Variants in CNTN5 observed in about 807,000 individuals in gnomAD.
CNTN5 encodes the protein contactin-5.
Under a neutral mutation model 129.1 loss-of-function variants are expected in CNTN5, and 77 were observed. That is an observed-to-expected ratio of 0.60 (90% CI 0.50 to 0.72). CNTN5 has a LOEUF of 0.72. Among genes scored for constraint, CNTN5 ranks in the 30% least tolerant of loss-of-function variants. CNTN5 has a pLI of 0.00. For missense variants in CNTN5, 1,478 were observed against 1,328.8 expected, an observed-to-expected ratio of 1.11 and a Z score of -1.75; for synonymous variants, 509 against 465.6, an observed-to-expected ratio of 1.09 and a Z score of -1.20.
chr11:99,598,581 T>C (rs1950217708), intron 3 of CNTN5, among the ~76,000 whole-genome samples: 1 of 151,690 alleles, frequency 6.6e-6, no homozygotes, highest in Admixed American at 6.6e-5. Flanking sequence ...GTTTGCCCTT[T>C]GGAAAGGTAC....
Position 99,997,479 on chromosome 11 carries a change from C to T in CNTN5, c.878-4555C>T, listed in dbSNP as rs192844144. Reference sequence around the variant, plus strand: ...GGAAGAAGTTGAATCTCTGAATAGACCAACAACAGGAGCTGCAATTGTGGC... The same window carrying T: ...GGAAGAAGTTGAATCTCTGAATAGATCAACAACAGGAGCTGCAATTGTGGC... On this transcript the variant is annotated intron_variant, in intron 8 of 24. Coordinates refer to ENST00000524871, the MANE Select transcript of CNTN5 (RefSeq NM_014361.4). Among the ~76,000 whole-genome samples the T allele has an allele frequency of 3.7e-4, 56 of 152,274 alleles. No homozygotes were observed. In the East Asian group the frequency reaches 0.01, roughly 28 times the overall value.
chr11:100,303,982 A>G (rs921433373), intron 20 of CNTN5, among the ~76,000 whole-genome samples: 2 of 151,576 alleles, frequency 1.3e-5, no homozygotes, highest in Non-Finnish European at 3.0e-5. Flanking sequence ...GTCTCTTTTG[A>G]TTAATGCTGT....
chr11:99,940,768 TC>T (rs1950417153), intron 7 of CNTN5, among the ~76,000 whole-genome samples: 1 of 151,842 alleles, frequency 6.6e-6, no homozygotes, highest in South Asian at 2.1e-4. Flanking sequence ...ACCACAAAGA[TC>T]TACCACTGGA....
rs559211939 is a variant in CNTN5 at position 99,316,731 on chromosome 11, CA to C, written c.-209-8602del. Among the ~76,000 whole-genome samples, 609 of 127,824 alleles carry C rather than the reference CA, an allele frequency of 4.8e-3. 1 individual carries two copies. The highest frequency in any genetic ancestry group is 5.7e-3 in the Admixed American group (72 of 12,594). 83.9% of individuals were successfully genotyped at this position (127,824 alleles called of 152,430 possible). A position where few individuals can be genotyped will look rare whatever the true frequency, so the allele number is the denominator to read the frequency against. ...TTGAAATTACTCTTTTGAACTGAGT[CA>C]AAAAAAAAAAAAGAAAAAGACCCTT... On this transcript the variant is annotated intron_variant, in intron 1 of 24. Coordinates refer to ENST00000524871, the MANE Select transcript of CNTN5 (RefSeq NM_014361.4).
intron 3 of CNTN5, among the ~76,000 whole-genome samples, chr11:99,562,908 G>A (rs1017975488): frequency 2.6e-5 from 4 of 152,082 alleles, no homozygotes; most frequent in Admixed American, 6.6e-5. Flanking sequence ...CTAAAATTTA[G>A]GGAAGATGAC....
At chr11:99,427,551 G>A (rs557794615) in intron 2 of CNTN5, among the ~76,000 whole-genome samples, 2 of 152,044 alleles carry the variant, frequency 1.3e-5, no homozygotes, top group Admixed American at 6.5e-5. Context: ...CGGATCATGA[G>A]GTCAGGAGAT....
At chr11:100,246,592 AAG>A in intron 16 of CNTN5, among the ~76,000 whole-genome samples, 1 of 152,098 alleles carries the variant, frequency 6.6e-6, no homozygotes, top group South Asian at 2.1e-4. Context: ...GAAAGTTACT[AAG>A]AGTCTATTCA....
chr11:100,152,685 A>ATTTT (rs1947109429), intron 13 of CNTN5, among the ~76,000 whole-genome samples: 1 of 152,166 alleles, frequency 6.6e-6, no homozygotes, highest in Non-Finnish European at 1.5e-5. Flanking sequence ...AGTACTTAAA[A>ATTTT]GACTCAGAAG....
intron 2 of CNTN5, among the ~76,000 whole-genome samples, chr11:99,415,305 T>A (rs1942602675): frequency 2.0e-5 from 3 of 147,314 alleles, no homozygotes. Flanking sequence ...TGAGTAGAAA[T>A]GTGACTGGAT....
chr11:100,149,306 T>C (rs2138298117), intron 13 of CNTN5, among the ~76,000 whole-genome samples: 1 of 152,292 alleles, frequency 6.6e-6, no homozygotes, highest in African/African-American at 2.4e-5. Context: ...AATAGCTAAA[T>C]GATACTGGTT....
At chr11:99,593,222 G>C (rs1425263894) in intron 3 of CNTN5, among the ~76,000 whole-genome samples, 4 of 152,062 alleles carry the variant, frequency 2.6e-5, no homozygotes, top group Non-Finnish European at 4.4e-5. Context: ...TGGATTAAGA[G>C]CATAAAGATT....
chr11:99,593,104 G>T (rs1223648165), intron 3 of CNTN5, among the ~76,000 whole-genome samples: 3 of 152,214 alleles, frequency 2.0e-5, no homozygotes, highest in East Asian at 3.9e-4. Flanking sequence ...TTTATAACTA[G>T]CTTAGATACC....
intron 1 of CNTN5, among the ~76,000 whole-genome samples, chr11:99,247,271 T>G (rs185111061): frequency 1.1e-4 from 16 of 152,218 alleles, no homozygotes; most frequent in Admixed American, 9.2e-4. Context: ...ATAATTTGTT[T>G]TAATTTTCTG....
chr11:99,022,187 A>G (rs183873575), intron 1 of CNTN5, among the ~76,000 whole-genome samples: 34 of 152,324 alleles, frequency 2.2e-4, no homozygotes, highest in East Asian at 5.8e-4. Flanking sequence ...TAGAGGGTCA[A>G]TACTTCTACT....
At chr11:100,277,520 T>C (rs2138805635) in intron 18 of CNTN5, among the ~76,000 whole-genome samples, 1 of 152,250 alleles carries the variant, frequency 6.6e-6, no homozygotes, top group East Asian at 1.9e-4. Flanking sequence ...CCATGTAAAC[T>C]GGGGTGAAAT....
intron 2 of CNTN5, among the ~76,000 whole-genome samples, chr11:99,474,707 A>G (rs567110350): frequency 5.3e-4 from 80 of 152,064 alleles, no homozygotes; most frequent in Non-Finnish European, 8.1e-4. Flanking sequence ...TCAATTTTTA[A>G]TGTCACTATA....
intron 3 of CNTN5, among the ~76,000 whole-genome samples, chr11:99,806,921 A>G (rs2135502274): frequency 6.6e-6 from 1 of 152,260 alleles, no homozygotes; most frequent in Middle Eastern, 3.4e-3. Context: ...CCTTTTCTTC[A>G]GAGTATGCTA....
intron 3 of CNTN5, among the ~76,000 whole-genome samples, chr11:99,643,888 T>G (rs2135852427): frequency 1.3e-5 from 2 of 152,232 alleles, no homozygotes; most frequent in Middle Eastern, 3.4e-3. Context: ...ATTAACTTTT[T>G]GAAACAATAT....
intron 9 of CNTN5, among the ~76,000 whole-genome samples, chr11:100,041,360 T>C (rs1488322815): frequency 6.6e-6 from 1 of 152,218 alleles, no homozygotes. Context: ...AGTCATTCTA[T>C]GAATTCCACC....
Sources: allele counts gnomAD v4.1 joint callset (sites outside exome capture counted in the v4.1 genomes callset), GRCh38; gene constraint gnomAD v4.1.1; transcripts MANE v1.5; gene names NCBI Gene and HGNC (gene_info 2026-07-23, HGNC 2026-07-21).